DNM3: variants seen among roughly 807,000 people sequenced by gnomAD.
DNM3 encodes the protein dynamin-3.
A neutral mutation model predicts 101.6 loss-of-function variants in DNM3; 47 were observed. The observed-to-expected ratio is 0.46, with a 90% confidence interval of 0.37 to 0.59. The LOEUF is 0.59. Among genes scored for constraint, DNM3 ranks in the 20% least tolerant of loss-of-function variants. The pLI is 0.00. For missense variants in DNM3, 849 were observed against 1,085.7 expected, an observed-to-expected ratio of 0.78 and a Z score of 3.06; for synonymous variants, 385 against 387.9, an observed-to-expected ratio of 0.99 and a Z score of 0.09.
intron 14 of DNM3, among the ~76,000 whole-genome samples, chr1:172,202,316 A>T (rs12135520): frequency 0.25 from 38,469 of 152,082 alleles, 5,390 homozygotes; most frequent in Middle Eastern, 0.34. Flanking sequence ...GGTGCAATTC[A>T]TCTGTGAAAC....
intron 14 of DNM3, among the ~76,000 whole-genome samples, chr1:172,252,383 G>A (rs1467853140): frequency 6.6e-6 from 1 of 152,186 alleles, no homozygotes; most frequent in Non-Finnish European, 1.5e-5. Flanking sequence ...AGGGAGCACA[G>A]AAGAGCTCTA....
chr1:172,144,630 C>T (rs776453349), intron 14 of DNM3: 4 of 533,176 alleles, frequency 7.5e-6, no homozygotes, highest in South Asian at 1.4e-5. Context: ...GGAGCAGGAT[C>T]TCCAGAAGCT....
intron 13 of DNM3, among the ~76,000 whole-genome samples, chr1:172,126,974 A>G (rs971515182): frequency 2.0e-5 from 3 of 152,164 alleles, no homozygotes; most frequent in African/African-American, 7.2e-5. Context: ...TGCTGCTGGA[A>G]AAGAGAACAC....
intron 17 of DNM3, among the ~76,000 whole-genome samples, chr1:172,373,435 C>T (rs1208466186): frequency 1.3e-5 from 2 of 152,188 alleles, no homozygotes; most frequent in Non-Finnish European, 2.9e-5. Context: ...TCACGTAATA[C>T]TTACAAATCT....
chr1:172,137,004 C>T (rs2057272060), intron 14 of DNM3: 1 of 152,146 alleles, frequency 6.6e-6, no homozygotes, highest in Admixed American at 6.5e-5. Flanking sequence ...TGGAGTGCCT[C>T]ACCTTAGGAT....
intron 14 of DNM3, among the ~76,000 whole-genome samples, chr1:172,181,599 C>T (rs902335259): frequency 1.5e-4 from 23 of 151,950 alleles, no homozygotes; most frequent in African/African-American, 3.4e-4. Flanking sequence ...GTTTTGTAGC[C>T]GTATTGCTAC....
intron 2 of DNM3, among the ~76,000 whole-genome samples, chr1:171,944,500 A>T (rs892878156): frequency 1.3e-5 from 2 of 151,814 alleles, no homozygotes; most frequent in African/African-American, 2.4e-5. Context: ...TACCCGCTGC[A>T]GTGGCTGGGA....
chr1:172,188,711 T>A (rs544442124), intron 14 of DNM3, among the ~76,000 whole-genome samples: 12 of 152,082 alleles, frequency 7.9e-5, no homozygotes, highest in Non-Finnish European at 1.6e-4. Flanking sequence ...ATATAATTGC[T>A]GCATCATATG....
At chr1:172,129,192 C>T (rs1442548936) in intron 13 of DNM3, among the ~76,000 whole-genome samples, 7 of 152,108 alleles carry the variant, frequency 4.6e-5, no homozygotes, top group Admixed American at 3.9e-4. Context: ...ATAATTTAAC[C>T]AGCTCCTTCT....
intron 12 of DNM3, among the ~76,000 whole-genome samples, chr1:172,088,855 T>G (rs1001140123): frequency 6.6e-6 from 1 of 152,202 alleles, no homozygotes; most frequent in African/African-American, 2.4e-5. Flanking sequence ...TAGGACACTG[T>G]GCAAAAAAGT....
At chr1:172,216,143 TA>T (rs1336009517) in intron 14 of DNM3, among the ~76,000 whole-genome samples, 2 of 152,062 alleles carry the variant, frequency 1.3e-5, no homozygotes, top group Non-Finnish European at 2.9e-5. Flanking sequence ...CATTTAGTTA[TA>T]AAATTAGATG....
At chr1:172,166,529 T>C (rs1449615905) in intron 14 of DNM3, among the ~76,000 whole-genome samples, 1 of 152,076 alleles carries the variant, frequency 6.6e-6, no homozygotes, top group African/African-American at 2.4e-5. Flanking sequence ...TCTCTAGCTA[T>C]AGGTATCAAG....
intron 6 of DNM3, among the ~76,000 whole-genome samples, chr1:172,036,313 T>A: frequency 6.6e-6 from 1 of 151,710 alleles, no homozygotes; most frequent in East Asian, 1.9e-4. Flanking sequence ...ATTTCATCCA[T>A]GTCCCTACAA....
In DNM3 at chr1:172,036,860, C is replaced by A. The variant is rs926958012; in HGVS notation, c.850-1459C>A. On this transcript the variant is annotated intron_variant, in intron 6 of 20. Coordinates refer to ENST00000627582, the MANE Select transcript of DNM3 (RefSeq NM_015569.5). ...AACTAGCATCAGAGTGAACAGGCAA[C>A]CTACAAAATGGGAGAAAATTTTCGC... 1.2e-3 allele frequency among the ~76,000 whole-genome samples: 184 copies of A among 151,758 alleles called. 2 individuals carry two copies. Among genetic ancestry groups the A allele is most frequent in the African/African-American group, 4.0e-3 (164 of 41,470 alleles).
At chr1:172,059,050 G>A (rs940901833) in intron 10 of DNM3, among the ~76,000 whole-genome samples, 1 of 152,066 alleles carries the variant, frequency 6.6e-6, no homozygotes, top group Non-Finnish European at 1.5e-5. Context: ...ACTACCATCA[G>A]AGAATACTAC....
chr1:172,253,387 A>G (rs989609894), intron 14 of DNM3, among the ~76,000 whole-genome samples, 186 bp from the exon 15 acceptor site: 1 of 152,040 alleles, frequency 6.6e-6, no homozygotes, highest in African/African-American at 2.4e-5. Context: ...TCAAAATGGC[A>G]TGTGATGATA....
At chr1:172,319,967 G>C (rs1205158276) in intron 16 of DNM3, among the ~76,000 whole-genome samples, 2 of 151,898 alleles carry the variant, frequency 1.3e-5, no homozygotes, top group African/African-American at 4.8e-5. Flanking sequence ...CAATAGCAAA[G>C]ACTTGGAACC....
intron 4 of DNM3, among the ~76,000 whole-genome samples, chr1:171,997,835 C>T (rs2125657009): frequency 6.6e-6 from 1 of 152,230 alleles, no homozygotes; most frequent in African/African-American, 2.4e-5. Flanking sequence ...TATTGGTTTA[C>T]ATGGCATCTT....
intron 6 of DNM3, among the ~76,000 whole-genome samples, chr1:172,034,996 G>C (rs1171317513): frequency 1.3e-5 from 2 of 152,074 alleles, no homozygotes; most frequent in Non-Finnish European, 2.9e-5. Flanking sequence ...ATGTGGTATT[G>C]ACAAGAAGAC....
Sources: allele counts gnomAD v4.1 joint callset (sites outside exome capture counted in the v4.1 genomes callset), GRCh38; gene constraint gnomAD v4.1.1; transcripts MANE v1.5; gene names NCBI Gene and HGNC (gene_info 2026-07-23, HGNC 2026-07-21).